The following SLC41A2 variants were observed in gnomAD, a reference collection of about 807,000 sequenced individuals.
SLC41A2 encodes the protein solute carrier family 41 member 2.
SLC41A2 carries 32 observed loss-of-function variants against 58.3 expected under a neutral mutation model. The ratio of observed to expected loss-of-function variants is 0.55; its 90% CI spans 0.41 to 0.74. The LOEUF (loss-of-function observed/expected upper bound fraction) is 0.74. SLC41A2 is among the 30% of genes least tolerant of loss of function. The pLI is 0.00. For synonymous variants in SLC41A2, 190 were observed against 235.0 expected (o/e 0.81, Z 1.75); for missense variants, 514 against 680.6 (o/e 0.76, Z 2.72).
intron 1 of SLC41A2, among the ~76,000 whole-genome samples, chr12:104,930,113 T>C (rs2046995370): frequency 6.6e-6 from 1 of 152,242 alleles, no homozygotes; most frequent in Admixed American, 6.5e-5. Flanking sequence ...CCAGACCTAC[T>C]GACTCAGAAT....
At chr12:104,842,292 C>G (rs1035934096) in intron 10 of SLC41A2, among the ~76,000 whole-genome samples, 6 of 152,010 alleles carry the variant, frequency 3.9e-5, no homozygotes, top group African/African-American at 1.4e-4. Flanking sequence ...GAATTTACAA[C>G]CTATCCTAAG....
At chr12:104,897,828 T>G (rs1462848316) in intron 3 of SLC41A2, among the ~76,000 whole-genome samples, 3 of 152,116 alleles carry the variant, frequency 2.0e-5, no homozygotes, top group African/African-American at 7.2e-5. Flanking sequence ...AAAATTGATT[T>G]TGTTGCCTCC....
chr12:104,945,372 C>T (rs983365475), intron 1 of SLC41A2, among the ~76,000 whole-genome samples: 29 of 151,034 alleles, frequency 1.9e-4, no homozygotes, highest in African/African-American at 6.1e-4. Context: ...TGGTGGCGGG[C>T]GCCTGTAGTC....
At chr12:104,915,259 AAAG>A (rs2046261703) in intron 2 of SLC41A2, among the ~76,000 whole-genome samples, 1 of 152,238 alleles carries the variant, frequency 6.6e-6, no homozygotes, top group Non-Finnish European at 1.5e-5. Context: ...TTAATTGGTA[AAAG>A]AAGGTTATGC....
At chr12:104,917,918 C>G (rs2046402896) in intron 2 of SLC41A2, among the ~76,000 whole-genome samples, 1 of 149,256 alleles carries the variant, frequency 6.7e-6, no homozygotes, top group Admixed American at 6.7e-5. Context: ...CACATGTATA[C>G]ATATGTAACT....
intron 3 of SLC41A2, among the ~76,000 whole-genome samples, chr12:104,900,463 T>C (rs556782013): frequency 1.7e-4 from 26 of 152,350 alleles, no homozygotes; most frequent in African/African-American, 6.3e-4. Flanking sequence ...TTTTTACAGG[T>C]ATATATTATA....
At chr12:104,841,963 A>G (rs934811680) in intron 10 of SLC41A2, among the ~76,000 whole-genome samples, 10 of 152,116 alleles carry the variant, frequency 6.6e-5, no homozygotes, top group African/African-American at 2.4e-4. Flanking sequence ...ACTATAGAAT[A>G]TCCAATCAAA....
intron 7 of SLC41A2, among the ~76,000 whole-genome samples, chr12:104,862,005 C>G (rs577816479): frequency 1.3e-5 from 2 of 152,154 alleles, no homozygotes; most frequent in Non-Finnish European, 2.9e-5. Flanking sequence ...GTCAGTGGAA[C>G]TTGGAGATTT....
intron 1 of SLC41A2, among the ~76,000 whole-genome samples, chr12:104,950,034 T>C (rs1165547738): frequency 6.6e-6 from 1 of 152,188 alleles, no homozygotes; most frequent in Non-Finnish European, 1.5e-5. Context: ...CTATTCAATA[T>C]GACCAAGCAG....
intron 10 of SLC41A2, among the ~76,000 whole-genome samples, chr12:104,829,950 G>A: frequency 6.6e-6 from 1 of 152,102 alleles, no homozygotes; most frequent in East Asian, 1.9e-4. Context: ...GCACTATTAT[G>A]GCAGAGTTGA....
Position 104,882,381 on chromosome 12 carries a change from T to G in SLC41A2, c.1027+3912A>C, listed in dbSNP as rs116874777. Among the ~76,000 whole-genome samples, 277 of 152,326 alleles carry G rather than the reference T, an allele frequency of 1.8e-3. 1 individual carries two copies. The highest frequency in any genetic ancestry group is 0.012 in the Admixed American group (185 of 15,296). The stretch of plus-strand genomic sequence containing the variant: ...CATCATGATGTTCGCTGGTTTTTTT[T>G]GCCCATTAATTGATGCAGTTTCTTC... On this transcript the variant is annotated intron_variant, in intron 6 of 10. Transcript: ENST00000258538.
intron 10 of SLC41A2, among the ~76,000 whole-genome samples, chr12:104,824,398 G>C (rs2041761971): frequency 1.3e-5 from 2 of 152,170 alleles, no homozygotes; most frequent in South Asian, 4.1e-4. Context: ...GAATGATGTG[G>C]AGTCTGGCTG....
chr12:104,809,536 T>C (rs906062579), intron 10 of SLC41A2, among the ~76,000 whole-genome samples: 1 of 152,226 alleles, frequency 6.6e-6, no homozygotes, highest in South Asian at 2.1e-4. Flanking sequence ...AGTGTTTCAC[T>C]GGTAGAGACT....
At chr12:104,899,164 A>G (rs539525965) in intron 3 of SLC41A2, among the ~76,000 whole-genome samples, 1 of 152,206 alleles carries the variant, frequency 6.6e-6, no homozygotes, top group South Asian at 2.1e-4. Context: ...TCCCTATCTG[A>G]TCACTCATTA....
At chr12:104,936,189 A>G (rs906869556) in intron 1 of SLC41A2, among the ~76,000 whole-genome samples, 4 of 152,238 alleles carry the variant, frequency 2.6e-5, no homozygotes, top group African/African-American at 9.7e-5. Flanking sequence ...ATACAGTTAC[A>G]TATATGTAGT....
intron 3 of SLC41A2, among the ~76,000 whole-genome samples, chr12:104,907,430 C>T (rs569417551): frequency 2.8e-4 from 43 of 152,036 alleles, no homozygotes; most frequent in Non-Finnish European, 5.4e-4. Context: ...TGACTGATAC[C>T]CCCAAACATC....
At chr12:104,891,524 T>C (rs1303456115) in intron 4 of SLC41A2, among the ~76,000 whole-genome samples, 3 of 148,954 alleles carry the variant, frequency 2.0e-5, no homozygotes, top group African/African-American at 7.3e-5. Context: ...TTTATATATA[T>C]ATTTAACAAC....
At chr12:104,922,476 G>GTA (rs58387912) in intron 2 of SLC41A2, among the ~76,000 whole-genome samples, 5,789 of 148,820 alleles carry the variant, frequency 0.039, 146 homozygotes, top group East Asian at 0.11. Context: ...CATAACAATT[G>GTA]TATATATATA....
chr12:104,814,121 C>T (rs533534491), intron 10 of SLC41A2, among the ~76,000 whole-genome samples: 1 of 152,230 alleles, frequency 6.6e-6, no homozygotes, highest in South Asian at 2.1e-4. Context: ...GAAATCTACT[C>T]AGTCAGGCAT....
Sources: gnomAD v4.1 joint callset for allele counts (sites outside exome capture counted in the v4.1 genomes callset) on GRCh38, gnomAD v4.1.1 for gene constraint, MANE v1.5 for transcripts, NCBI Gene and HGNC (gene_info 2026-07-23, HGNC 2026-07-21) for gene names.